The following SLC7A5 variants were observed in gnomAD, a reference collection of about 807,000 sequenced individuals.
The protein encoded by SLC7A5 is solute carrier family 7 member 5.
Under a neutral mutation model 50.2 loss-of-function variants are expected in SLC7A5, and 23 were observed. The ratio of observed to expected loss-of-function variants is 0.46; its 90% CI spans 0.33 to 0.65. SLC7A5 has a LOEUF of 0.65. Among genes scored for constraint, SLC7A5 ranks in the 30% least tolerant of loss-of-function variants. SLC7A5 has a pLI of 0.02. For missense variants in SLC7A5, 578 were observed against 684.4 expected (o/e 0.84, Z 1.73); for synonymous variants, 393 against 330.6 (o/e 1.19, Z -2.05).
In SLC7A5 at chr16:87,853,297, G is replaced by A. The variant is rs1394622527; in HGVS notation, c.539-1448C>T. On this transcript the variant is annotated intron_variant, in intron 1 of 9. Transcript: ENST00000261622. This position sits in a 1 kb window ranked among gnomAD's most constrained non-coding sequence, Gnocchi z 4.4. ...GTCCTGAGGTGCGGGACGGGCTGCC[G>A]CCTGCCTATCTCTCAGAAATTAACC... Among the ~76,000 whole-genome samples the A allele has an allele frequency of 6.6e-6, 1 of 152,188 alleles. No individual in the cohort carries two copies. The highest frequency in any genetic ancestry group is 2.4e-5 in the African/African-American group (1 of 41,450).
Position 87,861,500 on chromosome 16 carries a change from C to T in SLC7A5, c.538+7385G>A, listed in dbSNP as rs184047236. On this transcript the variant is annotated intron_variant, in intron 1 of 9. Coordinates refer to ENST00000261622, the MANE Select transcript of SLC7A5 (RefSeq NM_003486.7). The surrounding 1 kb of genome is among the most constrained non-coding windows in gnomAD (Gnocchi z 4.2). ...GCCCCTGGCTCCTGGCTCGCTCCTGCCTCAGTTTCCCCAGCTGTAAATTGG... is the reference window on the plus strand; with the variant it reads ...GCCCCTGGCTCCTGGCTCGCTCCTGTCTCAGTTTCCCCAGCTGTAAATTGG... Among the ~76,000 whole-genome samples the T allele has an allele frequency of 6.6e-6, 1 of 152,120 alleles. No homozygotes were observed. Among genetic ancestry groups the T allele is most frequent in the Non-Finnish European group, 1.5e-5 (1 of 68,018 alleles).
At chr16:87,863,201 TC>T (rs1221173002) in intron 1 of SLC7A5, among the ~76,000 whole-genome samples, 2 of 152,148 alleles carry the variant, frequency 1.3e-5, no homozygotes, top group African/African-American at 4.8e-5. Flanking sequence ...AGTGAGCCCA[TC>T]GGGCCCTTCT....
At chr16:87,863,223 C>A (rs1597518715) in intron 1 of SLC7A5, among the ~76,000 whole-genome samples, 1 of 152,330 alleles carries the variant, frequency 6.6e-6, no homozygotes, top group East Asian at 1.9e-4. Context: ...TCTGAGAGCA[C>A]CTCCCTGGAG....
chr16:87,868,959 T>C lies in SLC7A5; in HGVS notation c.464A>G (p.Tyr155Cys), dbSNP rs769225102. The change falls in exon 1 of 10, where the codon TAC becomes TGC. Residue 155 changes from tyrosine to cysteine, a missense_variant. Tyr to Cys is a radical substitution (Grantham distance 194). Coordinates refer to ENST00000261622, the MANE Select transcript of SLC7A5 (RefSeq NM_003486.7). The part of the protein sequence containing the change: ...QYIVALVFAT[Y>C]LLKPLFPTCP... ...GGTGGGGAAGAGCGGCTTGAGCAGG[T>C]AGGTGGCGAAGACCAGGGCCACGAT... 3.7e-6 allele frequency: 6 copies of C among 1,608,856 alleles called. No individual in the cohort carries two copies. The highest frequency in any genetic ancestry group is 2.2e-5 in the East Asian group (1 of 44,682).
chr16:87,846,368 G>A (rs962441982), intron 2 of SLC7A5, among the ~76,000 whole-genome samples: 1 of 152,254 alleles, frequency 6.6e-6, no homozygotes, highest in Non-Finnish European at 1.5e-5. Context: ...AACACAGCCT[G>A]TACCCAGCTG....
intron 5 of SLC7A5, 145 bp downstream of exon 5, chr16:87,839,557 C>T: frequency 8.8e-7 from 1 of 1,141,060 alleles, no homozygotes; most frequent in Non-Finnish European, 1.3e-6. Flanking sequence ...ACCACTCCAC[C>T]CCTCCGGGTA....
At chr16:87,839,666 C>CA (rs762025003) in intron 5 of SLC7A5, 36 bp downstream of exon 5, 1 of 1,612,006 alleles carries the variant, frequency 6.2e-7, no homozygotes, top group African/African-American at 1.3e-5. Flanking sequence ...CACAGCCTCT[C>CA]AGGCCCCTGG....
chr16:87,858,298 C>T (rs1297701148), intron 1 of SLC7A5, among the ~76,000 whole-genome samples: 3 of 152,170 alleles, frequency 2.0e-5, no homozygotes, highest in South Asian at 2.1e-4. Context: ...GAAAGCATCA[C>T]CATTAATCTG....
At chr16:87,835,812 C>G (rs1311039845) in intron 8 of SLC7A5, among the ~76,000 whole-genome samples, 1 of 152,204 alleles carries the variant, frequency 6.6e-6, no homozygotes, top group Non-Finnish European at 1.5e-5. Context: ...ACCCCCGGGG[C>G]CCCCAGGCTT....
chr16:87,860,223 C>A lies in SLC7A5; in HGVS notation c.539-8374G>T, dbSNP rs2055373732. Among the ~76,000 whole-genome samples the A allele has an allele frequency of 6.6e-6, 1 of 151,524 alleles. No individual in the cohort carries two copies. Among genetic ancestry groups the A allele is most frequent in the African/African-American group, 2.4e-5 (1 of 41,224 alleles). Reference sequence around the variant, plus strand: ...TGGTGCATGCCTGTAGTCCCAGCTACTCGGGAAGCTAAGGCAGGAGAATCA... The same window carrying A: ...TGGTGCATGCCTGTAGTCCCAGCTAATCGGGAAGCTAAGGCAGGAGAATCA... On this transcript the variant is annotated intron_variant, in intron 1 of 9. Transcript: ENST00000261622. This position sits in a 1 kb window ranked among gnomAD's most constrained non-coding sequence, Gnocchi z 4.8.
chr16:87,840,471 T>A lies in SLC7A5; in HGVS notation c.773A>T (p.Asn258Ile). ...TTCCTCTGTGACGAAATTCAAGTAA[T>A]TCCTAAAATTTAGAGAACAGCGTTC... ...YSGLFAYGGW[N>I]YLNFVTEEMI... is the part of the protein sequence containing the mutation. The change falls in exon 4 of 10, where the codon AAT becomes ATT. Residue 258 changes from asparagine (N) to isoleucine (I), a missense_variant and splice_region_variant. Physicochemically the swap from Asn to Ile is moderately radical, Grantham distance 149. This residue lies in a region of SLC7A5 where 465 missense variants were observed against 594.6 expected (regional missense o/e 0.78). Transcript: ENST00000261622. The A allele has an allele frequency of 6.2e-7, 1 of 1,608,882 alleles. No homozygotes were observed. The highest frequency in any genetic ancestry group is 8.5e-7 in the Non-Finnish European group (1 of 1,175,514).
chr16:87,849,841 C>A (rs996487939), intron 2 of SLC7A5, among the ~76,000 whole-genome samples: 1 of 152,160 alleles, frequency 6.6e-6, no homozygotes, highest in Non-Finnish European at 1.5e-5. Flanking sequence ...TGGTCAGACA[C>A]ATGCATGGGG....
chr16:87,832,719 G>C lies in SLC7A5; in HGVS notation c.*251C>G. On this transcript the variant is annotated 3_prime_UTR_variant, in exon 10 of 10. Coordinates refer to ENST00000261622, the MANE Select transcript of SLC7A5 (RefSeq NM_003486.7). The surrounding 1 kb of genome is among the most constrained non-coding windows in gnomAD (Gnocchi z 4.6). ...GTAAACAAAGGAGGGAAGGGAAAAA[G>C]GGCCCAAGGAGACCAAAAGCTGCTC... is the stretch of plus-strand genomic sequence containing the variant. The C allele has an allele frequency of 5.2e-6, 2 of 386,542 alleles. No homozygotes were observed. Among genetic ancestry groups the C allele is most frequent in the South Asian group, 6.9e-5 (2 of 29,018 alleles). The allele number at this position is 386,542 out of a possible 1,614,324, so 23.9% of individuals were successfully genotyped here.
At chr16:87,846,875 G>A (rs953604561) in intron 2 of SLC7A5, among the ~76,000 whole-genome samples, 1 of 152,232 alleles carries the variant, frequency 6.6e-6, no homozygotes, top group African/African-American at 2.4e-5. Context: ...CCGTGCCGGG[G>A]ACGCGGTGAG....
At position 87,853,011 on chromosome 16, in the gene SLC7A5, G is replaced by A. The variant is rs1019967965; in HGVS notation, c.539-1162C>T. On this transcript the variant is annotated intron_variant, in intron 1 of 9. Coordinates refer to ENST00000261622, the MANE Select transcript of SLC7A5 (RefSeq NM_003486.7). The surrounding 1 kb of genome is among the most constrained non-coding windows in gnomAD (Gnocchi z 4.4). ...CCAGAAGTGGGCAAAGGCCCAGCAC[G>A]GGCCACCCACACAGCTCAGATCTCA... 3.3e-5 allele frequency among the ~76,000 whole-genome samples: 5 copies of A among 152,190 alleles called. No homozygotes were observed. Among genetic ancestry groups the A allele is most frequent in the Non-Finnish European group, 7.3e-5 (5 of 68,040 alleles).
chr16:87,842,912 T>A (rs566138568), intron 2 of SLC7A5, among the ~76,000 whole-genome samples: 2 of 152,182 alleles, frequency 1.3e-5, no homozygotes, highest in Non-Finnish European at 2.9e-5. Flanking sequence ...TCTGATGGAA[T>A]GTTCTGGAAT....
chr16:87,859,943 C>T (rs1653631834), intron 1 of SLC7A5, among the ~76,000 whole-genome samples: 1 of 148,056 alleles, frequency 6.8e-6, no homozygotes, highest in Non-Finnish European at 1.5e-5. Flanking sequence ...CAAAACAAAA[C>T]ACAATATTCG....
Position 87,841,642 on chromosome 16 carries a change from G to C in SLC7A5, c.665-487C>G, listed in dbSNP as rs1478191771. On this transcript the variant is annotated intron_variant, in intron 2 of 9. Transcript: ENST00000261622. This position sits in a 1 kb window ranked among gnomAD's most constrained non-coding sequence, Gnocchi z 4.8. ...AACAGACTGCCCTCCCTCCAGGGCTGGCAGGACAGGCCTGGGCAAGAACAT... is the reference window on the plus strand; with the variant it reads ...AACAGACTGCCCTCCCTCCAGGGCTCGCAGGACAGGCCTGGGCAAGAACAT... Among the ~76,000 whole-genome samples the C allele has an allele frequency of 6.6e-6, 1 of 152,190 alleles. No individual in the cohort carries two copies. Among genetic ancestry groups the C allele is most frequent in the Non-Finnish European group, 1.5e-5 (1 of 68,044 alleles).
intron 1 of SLC7A5, among the ~76,000 whole-genome samples, chr16:87,863,375 C>A (rs1397353120): frequency 6.6e-6 from 1 of 152,138 alleles, no homozygotes; most frequent in Non-Finnish European, 1.5e-5. Context: ...CCAGCTGGGG[C>A]CCAGGGAGGT....
Sources: allele counts gnomAD v4.1 joint callset (sites outside exome capture counted in the v4.1 genomes callset), GRCh38; gene constraint gnomAD v4.1.1; regional missense constraint gnomAD v4.1.1; non-coding constraint Gnocchi (gnomAD v3.1); transcripts MANE v1.5; gene names NCBI Gene and HGNC (gene_info 2026-07-23, HGNC 2026-07-21).